PCSK7: variants seen among roughly 807,000 people sequenced by gnomAD.
The protein encoded by PCSK7 is lymphoma proprotein convertase.
Under a neutral mutation model 73.3 loss-of-function variants are expected in PCSK7, and 38 were observed. That is an observed-to-expected ratio of 0.52 (90% CI 0.40 to 0.68). The LOEUF is 0.68. PCSK7 is among the 30% of genes least tolerant of loss of function. PCSK7 has a pLI of 0.00. For synonymous variants in PCSK7, 296 were observed against 383.8 expected, an observed-to-expected ratio of 0.77 and a Z score of 2.68; for missense variants, 692 against 991.5, an observed-to-expected ratio of 0.70 and a Z score of 4.06.
intron 13 of PCSK7, 93 bp downstream of exon 13, chr11:117,208,804 T>C (rs2031567061): frequency 7.9e-7 from 1 of 1,272,504 alleles, no homozygotes; most frequent in South Asian, 1.6e-5. Flanking sequence ...CCACAGTAGT[T>C]TAGGACAGTG....
At chr11:117,216,251 T>G (rs1421368752) in intron 12 of PCSK7, 1 of 152,186 alleles carries the variant, frequency 6.6e-6, no homozygotes, top group Non-Finnish European at 1.5e-5. Context: ...AATGCTACTC[T>G]AGAGTCTTAG....
chr11:117,224,292 T>C, intron 7 of PCSK7, 76 bp from the exon 8 acceptor site: 1 of 1,461,718 alleles, frequency 6.8e-7, no homozygotes, highest in South Asian at 1.2e-5. Flanking sequence ...AGTCACCCTC[T>C]CCACCCCTTC....
At chr11:117,209,356 A>ACTG (rs1431106116) in intron 12 of PCSK7, 91 of 314,992 alleles carry the variant, frequency 2.9e-4, no homozygotes, top group South Asian at 2.3e-3. Context: ...CATTTCAGGC[A>ACTG]CTGTACTAGA....
At chr11:117,223,749 G>A (rs1192492081) in intron 8 of PCSK7, 3 of 380,322 alleles carry the variant, frequency 7.9e-6, no homozygotes, top group Non-Finnish European at 9.6e-6. Context: ...CAGGCAAAGG[G>A]CACTTAATTT....
rs571538440 is a variant in PCSK7 at position 117,225,055 on chromosome 11, C to CTTTT, written c.861-304_861-301dup. 136 of 134,358 alleles carry CTTTT rather than the reference C, an allele frequency of 1.0e-3. 1 individual carries two copies. The highest frequency in any genetic ancestry group is 4.3e-3 in the South Asian group (18 of 4,162). 8.3% of individuals were successfully genotyped at this position (134,358 alleles called of 1,614,324 possible). A position where few individuals can be genotyped will look rare whatever the true frequency, so the allele number is the denominator to read the frequency against. On this transcript the variant is annotated intron_variant, in intron 6 of 16. Coordinates refer to ENST00000320934, the MANE Select transcript of PCSK7 (RefSeq NM_004716.4). The stretch of plus-strand genomic sequence containing the variant: ...ATCTAGGGATCAGAGACATGTAGAC[C>CTTTT]TTTTTTTTTTTTTTTTTTTCTCCTG...
At chr11:117,221,576 T>G (rs1403295189) in intron 9 of PCSK7, 2 of 152,228 alleles carry the variant, frequency 1.3e-5, no homozygotes, top group Non-Finnish European at 1.5e-5. Flanking sequence ...ACAAGAAGTT[T>G]CCATAGCAAG....
At chr11:117,223,779 G>A (rs1359149948) in intron 8 of PCSK7, 2 of 412,768 alleles carry the variant, frequency 4.8e-6, no homozygotes, top group Admixed American at 4.0e-5. Context: ...GGGAGTCAGG[G>A]GAGGCTTCCA....
chr11:117,224,676 CAG>C (rs1234140406), intron 7 of PCSK7, 23 bp downstream of exon 7: 21 of 1,598,262 alleles, frequency 1.3e-5, no homozygotes, highest in Non-Finnish European at 1.8e-5. Flanking sequence ...TCCCGTTTCT[CAG>C]AGTCTTTGTG....
chr11:117,231,674 C>T (rs1294052678), intron 1 of PCSK7: 1 of 152,270 alleles, frequency 6.6e-6, no homozygotes, highest in Non-Finnish European at 1.5e-5. Flanking sequence ...CCTCCCTTTA[C>T]AGCTCTTAAT....
In PCSK7 at chr11:117,205,926, GA is replaced by G. The variant is rs1159888177; in HGVS notation, c.*70del. ...CCTCAGATTCCAGATGTAAGCATCA[GA>G]ACTGCTTTCTGTCAAGAGCTCCCTA... On this transcript the variant is annotated 3_prime_UTR_variant, in exon 17 of 17. Coordinates refer to ENST00000320934, the MANE Select transcript of PCSK7 (RefSeq NM_004716.4). 1.7e-6 allele frequency: 1 copy of G among 594,878 alleles called. No individual in the cohort carries two copies. The highest frequency in any genetic ancestry group is 2.8e-5 in the East Asian group (1 of 35,626). The allele number at this position is 594,878 out of a possible 1,614,324, so 36.8% of individuals were successfully genotyped here. A position where few individuals can be genotyped will look rare whatever the true frequency, so the allele number is the denominator to read the frequency against.
At chr11:117,219,453 T>C (rs1485666811) in intron 10 of PCSK7, 138 bp downstream of exon 10, 3 of 846,302 alleles carry the variant, frequency 3.5e-6, no homozygotes, top group East Asian at 5.4e-5. Flanking sequence ...CACCTGTTCT[T>C]TACATATGCA....
intron 12 of PCSK7, chr11:117,216,653 C>A (rs1383088781): frequency 6.6e-6 from 1 of 151,966 alleles, no homozygotes; most frequent in Non-Finnish European, 1.5e-5. Context: ...TGGTCTCAAA[C>A]TCCTGACCTC....
rs780128433 is a variant in PCSK7, at chr11:117,226,471, G to A, written c.770-450C>T. 8 of 165,940 alleles carry A rather than the reference G, an allele frequency of 4.8e-5. 1 individual carries two copies. The highest frequency in any genetic ancestry group is 3.0e-4 in the South Asian group (2 of 6,656). 10.3% of individuals were successfully genotyped at this position (165,940 alleles called of 1,614,324 possible). A position where few individuals can be genotyped will look rare whatever the true frequency, so the allele number is the denominator to read the frequency against. Reference sequence around the variant, plus strand: ...TTTTGCATTTTTACACCATGTATACGTATTACTTGTCCCCCCACCAAAAAA... The same window carrying A: ...TTTTGCATTTTTACACCATGTATACATATTACTTGTCCCCCCACCAAAAAA... On this transcript the variant is annotated intron_variant, in intron 5 of 16. Transcript: ENST00000320934.
intron 14 of PCSK7, chr11:117,207,701 A>G: frequency 1.5e-6 from 1 of 647,996 alleles, no homozygotes. Flanking sequence ...AAAGGACTTG[A>G]AATGTGGTTT....
intron 12 of PCSK7, chr11:117,217,863 C>T (rs1162199176): frequency 1.3e-5 from 2 of 152,246 alleles, no homozygotes; most frequent in Non-Finnish European, 2.9e-5. Context: ...GGGCGTCCGC[C>T]TCTTCGCTCA....
intron 7 of PCSK7, among the ~76,000 whole-genome samples, chr11:117,224,449 C>T (rs192060612): frequency 9.2e-5 from 14 of 152,248 alleles, no homozygotes; most frequent in East Asian, 3.9e-4. Context: ...CTCTGCTTAT[C>T]AGAGGACAGG....
intron 8 of PCSK7, chr11:117,223,815 G>C (rs1403996089): frequency 4.3e-6 from 2 of 465,900 alleles, no homozygotes; most frequent in Non-Finnish European, 7.7e-6. Flanking sequence ...CCCACAGAAA[G>C]ACAGGCCAGA....
At chr11:117,208,199 T>C (rs2031530434) in intron 13 of PCSK7, 135 bp from the exon 14 acceptor site, 1 of 302,942 alleles carries the variant, frequency 3.3e-6, no homozygotes, top group Admixed American at 5.3e-5. Flanking sequence ...AGGTGCCCCT[T>C]TCCCCTGGGG....
intron 4 of PCSK7, among the ~76,000 whole-genome samples, chr11:117,227,853 T>C (rs931201036): frequency 1.3e-5 from 2 of 152,204 alleles, no homozygotes; most frequent in Non-Finnish European, 2.9e-5. Flanking sequence ...TTGCCCATTA[T>C]GCGAATGTGC....
Sources: gnomAD v4.1 joint callset for allele counts (sites outside exome capture counted in the v4.1 genomes callset) on GRCh38, gnomAD v4.1.1 for gene constraint, MANE v1.5 for transcripts, NCBI Gene and HGNC (gene_info 2026-07-23, HGNC 2026-07-21) for gene names.